The following ATP8A1 variants were observed in gnomAD, a reference collection of about 807,000 sequenced individuals.
ATP8A1 encodes the protein ATPase phospholipid transporting 8A1, also known as phospholipid-transporting ATPase IA.
In ATP8A1, 90 loss-of-function variants were observed where a neutral mutation model predicts 177.7. The observed-to-expected ratio is 0.51, with a 90% CI of 0.43 to 0.60. The LOEUF (loss-of-function observed/expected upper bound fraction) is 0.60, where lower values mean the gene tolerates loss of function less well. ATP8A1 is among the 20% of genes least tolerant of loss of function. The pLI, the probability that ATP8A1 is intolerant of heterozygous loss-of-function variation, is 0.00. For missense variants in ATP8A1, 1,072 were observed against 1,392.8 expected (o/e 0.77, Z 3.67); for synonymous variants, 493 against 485.9 (o/e 1.01, Z -0.19).
At chr4:42,588,706 CAT>C (rs1374183170) in intron 7 of ATP8A1, 2 of 157,548 alleles carry the variant, frequency 1.3e-5, no homozygotes, top group Non-Finnish European at 2.8e-5. Context: ...AAAAACACCA[CAT>C]GAGATTTCAT....
chr4:42,582,034 T>C (rs1451477645), intron 9 of ATP8A1, among the ~76,000 whole-genome samples: 1 of 152,146 alleles, frequency 6.6e-6, no homozygotes, highest in Admixed American at 6.5e-5. Context: ...CATTTGGAAA[T>C]GACCCTTCGG....
At chr4:42,485,171 T>A (rs2153189117) in intron 25 of ATP8A1, among the ~76,000 whole-genome samples, 1 of 152,288 alleles carries the variant, frequency 6.6e-6, no homozygotes, top group South Asian at 2.1e-4. Context: ...TCTTAGCAGC[T>A]GGATCAAAGA....
chr4:42,469,068 C>G (rs1282556389), intron 25 of ATP8A1, among the ~76,000 whole-genome samples: 1 of 152,100 alleles, frequency 6.6e-6, no homozygotes, highest in Non-Finnish European at 1.5e-5. Flanking sequence ...AATGGTTTGC[C>G]TCACTAAAAT....
intron 31 of ATP8A1, among the ~76,000 whole-genome samples, chr4:42,445,074 C>T (rs1464071288): frequency 6.6e-6 from 1 of 152,190 alleles, no homozygotes; most frequent in African/African-American, 2.4e-5. Context: ...AATAACCAGA[C>T]ATTTAGAAAT....
chr4:42,602,693 C>T (rs1400826767), intron 5 of ATP8A1, among the ~76,000 whole-genome samples: 4 of 152,194 alleles, frequency 2.6e-5, no homozygotes, highest in Middle Eastern at 3.4e-3. Context: ...GGCTTGACCC[C>T]GCGAGGGGGA....
At chr4:42,644,295 G>GT (rs1418079174) in intron 1 of ATP8A1, among the ~76,000 whole-genome samples, 10 of 152,248 alleles carry the variant, frequency 6.6e-5, no homozygotes, top group East Asian at 1.9e-4. Flanking sequence ...AATTAAGAGA[G>GT]TTTTTTCTTT....
At chr4:42,433,959 T>C (rs1577922412) in intron 33 of ATP8A1, among the ~76,000 whole-genome samples, 3 of 152,110 alleles carry the variant, frequency 2.0e-5, no homozygotes, top group Admixed American at 2.0e-4. Context: ...ATTTTTTGAC[T>C]ATATATCAAT....
chr4:42,650,911 GAT>G (rs918839223), intron 1 of ATP8A1, among the ~76,000 whole-genome samples: 2 of 152,142 alleles, frequency 1.3e-5, no homozygotes, highest in Admixed American at 6.5e-5. Context: ...TTGTCTGCCT[GAT>G]ATAGTTTGGC....
Position 42,574,692 on chromosome 4 carries a change from A to C in ATP8A1, c.1222T>G (p.Ser408Ala). The change falls in exon 14 of 37, where the codon TCT becomes GCT. Residue 408 changes from serine (S) to alanine (A), a missense_variant. This residue lies in a region of ATP8A1 where 388 missense variants were observed against 471.7 expected (regional missense o/e 0.82). Coordinates refer to ENST00000381668, the MANE Select transcript of ATP8A1 (RefSeq NM_006095.2). ...EELGQVKYIF[S>A]DKTGTLTCNV... is the part of the protein sequence containing the mutation. ...CATGTCAGAGTACCAGTTTTGTCAG[A>C]AAATATGTATTTAACCTAAAAAAGT... The C allele has an allele frequency of 6.2e-7, 1 of 1,606,398 alleles. No individual in the cohort carries two copies. The highest frequency in any genetic ancestry group is 2.2e-5 in the East Asian group (1 of 44,674).
intron 15 of ATP8A1, among the ~76,000 whole-genome samples, chr4:42,558,397 G>A (rs1730468785): frequency 6.6e-6 from 1 of 152,180 alleles, no homozygotes. Flanking sequence ...GAAGCAATAA[G>A]GCAGGGAGTA....
intron 27 of ATP8A1, among the ~76,000 whole-genome samples, chr4:42,460,531 G>A (rs1295231359): frequency 1.3e-5 from 2 of 152,010 alleles, no homozygotes; most frequent in Non-Finnish European, 2.9e-5. Context: ...GGGATTACAG[G>A]CAACTGCCAC....
At chr4:42,578,673 A>G (rs958869440) in intron 11 of ATP8A1, among the ~76,000 whole-genome samples, 1 of 152,150 alleles carries the variant, frequency 6.6e-6, no homozygotes, top group African/African-American at 2.4e-5. Context: ...TAGAGACATC[A>G]GGGATAGCAC....
At position 42,423,478 on chromosome 4, in the gene ATP8A1, C is replaced by A. The variant is rs142532672; in HGVS notation, c.3212+139G>T. 233 of 482,346 alleles carry A rather than the reference C, an allele frequency of 4.8e-4. 2 individuals carry two copies. In the East Asian group the frequency reaches 7.8e-3, roughly 16 times the overall value. The allele number at this position is 482,346 out of a possible 1,614,324, so 29.9% of individuals were successfully genotyped here. ...CTAGTTTTCTAGTTCCTGAATCACC[C>A]CTTCCTTATTTAAAATTAAGTAATA... On this transcript the variant is annotated intron_variant, in intron 34 of 36. Transcript: ENST00000381668.
Position 42,588,321 on chromosome 4 carries a change from T to C in ATP8A1, c.533A>G (p.Gln178Arg), listed in dbSNP as rs368395818. The change falls in exon 8 of 37, where the codon CAA becomes CGA. Residue 178 changes from glutamine (Q) to arginine (R), a missense_variant. This residue lies in a region of ATP8A1 where 344 missense variants were observed against 393.5 expected (regional missense o/e 0.87). Coordinates refer to ENST00000381668, the MANE Select transcript of ATP8A1 (RefSeq NM_006095.2). ...GGATGTTTCAATGTAGCACATGGCT[T>C]GGGGCTCACTGTAGTTTGGAGTTGA... ...DLISLSSSEPQAMCYIETSNL... is the reference protein window; with the variant it reads ...DLISLSSSEPRAMCYIETSNL... 2.7e-5 allele frequency: 43 copies of C among 1,613,286 alleles called. No homozygotes were observed. Among genetic ancestry groups the C allele is most frequent in the Non-Finnish European group, 3.5e-5 (41 of 1,179,746 alleles).
At chr4:42,654,323 CCAGTTTGGTTGTAAACAACTTA>C (rs1741410208) in intron 1 of ATP8A1, among the ~76,000 whole-genome samples, 1 of 152,174 alleles carries the variant, frequency 6.6e-6, no homozygotes, top group Admixed American at 6.5e-5. Flanking sequence ...TCCTTTCTCC[CCAGTTTGGTTGTAAACAACTTA>C]CAGGCATGAC....
At chr4:42,531,474 G>GA (rs1190813773) in intron 20 of ATP8A1, among the ~76,000 whole-genome samples, 1 of 152,206 alleles carries the variant, frequency 6.6e-6, no homozygotes, top group Non-Finnish European at 1.5e-5. Context: ...ATTGAAAAGG[G>GA]AAAAGCTGAA....
intron 30 of ATP8A1, among the ~76,000 whole-genome samples, chr4:42,449,957 G>A (rs1421398169): frequency 3.3e-5 from 5 of 152,130 alleles, no homozygotes; most frequent in African/African-American, 7.2e-5. Context: ...GGTTGAAATA[G>A]CAGTTTAGAA....
chr4:42,540,624 C>T (rs770867801), intron 20 of ATP8A1, among the ~76,000 whole-genome samples: 20 of 151,718 alleles, frequency 1.3e-4, no homozygotes, highest in Non-Finnish European at 1.9e-4. Flanking sequence ...GACATCATGT[C>T]ATTTGCAGCA....
At chr4:42,647,205 T>A (rs1223660388) in intron 1 of ATP8A1, among the ~76,000 whole-genome samples, 2 of 152,022 alleles carry the variant, frequency 1.3e-5, no homozygotes, top group African/African-American at 4.8e-5. Context: ...GCTGAAGACT[T>A]AAACCTCAAG....
Sources: gnomAD v4.1 joint callset for allele counts (sites outside exome capture counted in the v4.1 genomes callset) on GRCh38, gnomAD v4.1.1 for gene constraint, gnomAD v4.1.1 regional missense constraint, MANE v1.5 for transcripts, NCBI Gene and HGNC (gene_info 2026-07-23, HGNC 2026-07-21) for gene names.